Variants in LPGAT1 observed in about 807,000 individuals in gnomAD.
LPGAT1 encodes the protein lysophosphatidylglycerol acyltransferase 1.
In LPGAT1, 11 loss-of-function variants were observed where a neutral mutation model predicts 47.5. That is an observed-to-expected ratio of 0.23 (90% CI 0.15 to 0.38). The LOEUF (loss-of-function observed/expected upper bound fraction) is 0.38. Ranked by LOEUF, LPGAT1 falls within the 10% of genes least tolerant of loss-of-function variation. LPGAT1 has a pLI of 1.00. For missense variants in LPGAT1, 293 were observed against 439.0 expected (o/e 0.67, Z 2.97); for synonymous variants, 138 against 144.2 (o/e 0.96, Z 0.31).
At chr1:211,829,610 A>G in intron 1 of LPGAT1, 10 of 1,187,384 alleles carry the variant, frequency 8.4e-6, no homozygotes, top group Non-Finnish European at 1.1e-5. Context: ...CCGTCCCCGC[A>G]CCGTGTCTCA....
At chr1:211,762,167 T>C (rs1243541881) in intron 6 of LPGAT1, among the ~76,000 whole-genome samples, 1 of 152,218 alleles carries the variant, frequency 6.6e-6, no homozygotes, top group East Asian at 1.9e-4. Flanking sequence ...CTCAAAATAG[T>C]ATCTAAAATA....
chr1:211,748,210 C>T lies in LPGAT1; in HGVS notation c.*1689G>A, dbSNP rs1206902090. 6.6e-6 allele frequency: 1 copy of T among 152,628 alleles called. No homozygotes were observed. Among genetic ancestry groups the T allele is most frequent in the Non-Finnish European group, 1.5e-5 (1 of 68,044 alleles). The allele number at this position is 152,628 out of a possible 1,614,324, so 9.5% of individuals were successfully genotyped here. ...ATGCTCACATCACAGTAAACTACCA[C>T]TGACTTACTAGGATCTTAATAGTCT... On this transcript the variant is annotated 3_prime_UTR_variant, in exon 8 of 8. Transcript: ENST00000366997.
At chr1:211,814,218 A>G (rs1660094509) in intron 2 of LPGAT1, among the ~76,000 whole-genome samples, 1 of 152,234 alleles carries the variant, frequency 6.6e-6, no homozygotes, top group African/African-American at 2.4e-5. Flanking sequence ...ACCCCCTGAG[A>G]TAACTCTGAA....
chr1:211,795,758 G>A (rs1035447866), intron 2 of LPGAT1, among the ~76,000 whole-genome samples: 1 of 151,988 alleles, frequency 6.6e-6, no homozygotes, highest in African/African-American at 2.4e-5. Flanking sequence ...GAGACACACG[G>A]ACATACAAAC....
intron 2 of LPGAT1, among the ~76,000 whole-genome samples, chr1:211,815,881 C>T (rs1660156944): frequency 6.6e-6 from 1 of 151,118 alleles, no homozygotes; most frequent in Admixed American, 6.6e-5. Context: ...CATGTTCACG[C>T]CATTCTCCTG....
At chr1:211,756,475 G>A (rs1350257261) in intron 6 of LPGAT1, among the ~76,000 whole-genome samples, 4 of 152,010 alleles carry the variant, frequency 2.6e-5, no homozygotes, top group African/African-American at 9.7e-5. Context: ...CCACAGGTGC[G>A]CATCATCATG....
chr1:211,820,440 A>G (rs149667249), intron 2 of LPGAT1, among the ~76,000 whole-genome samples: 3,633 of 152,226 alleles, frequency 0.024, 80 homozygotes, highest in South Asian at 0.11. Context: ...CAGTGAAGCC[A>G]TCATCACTAA....
At chr1:211,751,276 T>C (rs73086161) in intron 6 of LPGAT1, among the ~76,000 whole-genome samples, 2 of 152,350 alleles carry the variant, frequency 1.3e-5, no homozygotes, top group African/African-American at 4.8e-5. Flanking sequence ...TTCAAACATT[T>C]ACTAGTCTAC....
chr1:211,798,805 A>G (rs1659452292), intron 2 of LPGAT1, among the ~76,000 whole-genome samples: 1 of 152,246 alleles, frequency 6.6e-6, no homozygotes, highest in South Asian at 2.1e-4. Context: ...TGAGGCAGAC[A>G]GGATTGGATT....
At chr1:211,770,395 T>C (rs1171038448) in intron 6 of LPGAT1, among the ~76,000 whole-genome samples, 1 of 152,242 alleles carries the variant, frequency 6.6e-6, no homozygotes, top group Non-Finnish European at 1.5e-5. Context: ...TCATATATTT[T>C]TATTTCTATA....
chr1:211,797,787 C>T (rs944631171), intron 2 of LPGAT1, among the ~76,000 whole-genome samples: 2 of 152,202 alleles, frequency 1.3e-5, no homozygotes, highest in African/African-American at 4.8e-5. Flanking sequence ...TATTCTAACA[C>T]GCTGCTCTAT....
At chr1:211,809,321 T>C (rs1659879852) in intron 2 of LPGAT1, among the ~76,000 whole-genome samples, 1 of 152,198 alleles carries the variant, frequency 6.6e-6, no homozygotes, top group Admixed American at 6.5e-5. Flanking sequence ...AATCCCCAAC[T>C]TGCTCAAAGG....
chr1:211,778,183 A>C (rs1658486812), intron 6 of LPGAT1, among the ~76,000 whole-genome samples: 1 of 152,166 alleles, frequency 6.6e-6, no homozygotes, highest in African/African-American at 2.4e-5. Flanking sequence ...TCTACTAAAA[A>C]TACAAAAAAT....
intron 6 of LPGAT1, among the ~76,000 whole-genome samples, chr1:211,776,834 T>G (rs1658424986): frequency 6.6e-6 from 1 of 152,124 alleles, no homozygotes; most frequent in African/African-American, 2.4e-5. Context: ...AAACTACAAT[T>G]TTTTAGTGAA....
Position 211,829,342 on chromosome 1 carries a change from T to C in LPGAT1, c.-27-19A>G, listed in dbSNP as rs774469097. 81 of 1,607,220 alleles carry C rather than the reference T, an allele frequency of 5.0e-5. 3 individuals carry two copies. In the South Asian group the frequency reaches 7.8e-4, roughly 16 times the overall value. The stretch of plus-strand genomic sequence containing the variant: ...TGTCTTTCTGGGGTGAAAGAAAAAT[T>C]CACTTAAAAAGGAAAATTCATTAAA... On this transcript the variant is annotated intron_variant, in intron 1 of 7. Transcript: ENST00000366997.
chr1:211,779,125 T>C (rs1658530684), intron 5 of LPGAT1, 81 bp from the exon 6 acceptor site: 3 of 1,176,842 alleles, frequency 2.5e-6, no homozygotes, highest in East Asian at 2.6e-5. Context: ...ACTTGACCAG[T>C]GTAAGATATA....
intron 2 of LPGAT1, among the ~76,000 whole-genome samples, chr1:211,809,108 G>A (rs1375899216): frequency 6.6e-6 from 1 of 152,024 alleles, no homozygotes; most frequent in Non-Finnish European, 1.5e-5. Flanking sequence ...GGAAGGCTGA[G>A]GCAGGAGAAT....
chr1:211,827,672 G>C (rs966715109), intron 2 of LPGAT1, among the ~76,000 whole-genome samples: 1 of 152,168 alleles, frequency 6.6e-6, no homozygotes, highest in Non-Finnish European at 1.5e-5. Context: ...TAAGACAGCA[G>C]TGCAATTCAG....
At chr1:211,763,327 G>A (rs1359687702) in intron 6 of LPGAT1, among the ~76,000 whole-genome samples, 2 of 152,098 alleles carry the variant, frequency 1.3e-5, no homozygotes, top group Non-Finnish European at 2.9e-5. Context: ...AATGGAGTAG[G>A]TTAGTTATCA....
Sources: allele counts gnomAD v4.1 joint callset (sites outside exome capture counted in the v4.1 genomes callset), GRCh38; gene constraint gnomAD v4.1.1; transcripts MANE v1.5; gene names NCBI Gene and HGNC (gene_info 2026-07-23, HGNC 2026-07-21).